SORL1: variants seen among roughly 807,000 people sequenced by gnomAD.
SORL1 encodes the protein sortilin related receptor 1.
In SORL1, 127 loss-of-function variants were observed where a neutral mutation model predicts 273.7. The ratio of observed to expected loss-of-function variants is 0.46; its 90% CI spans 0.40 to 0.54. The LOEUF (loss-of-function observed/expected upper bound fraction) is 0.54, where lower values mean the gene tolerates loss of function less well. Among genes scored for constraint, SORL1 ranks in the 20% least tolerant of loss-of-function variants. The pLI, the probability that SORL1 is intolerant of heterozygous loss-of-function variation, is 0.00. For synonymous variants in SORL1, 1,031 were observed against 1,067.4 expected (o/e 0.97, Z 0.66); for missense variants, 2,494 against 2,846.1 (o/e 0.88, Z 2.81).
Position 121,588,100 on chromosome 11 carries a change from A to T in SORL1, c.3895A>T (p.Ile1299Phe). 1 of 1,613,838 alleles carries T rather than the reference A, an allele frequency of 6.2e-7. No individual in the cohort carries two copies. Among genetic ancestry groups the T allele is most frequent in the Non-Finnish European group, 8.5e-7 (1 of 1,179,842 alleles). The change falls in exon 28 of 48, where the codon ATC becomes TTC. Residue 1299 changes from isoleucine (I) to phenylalanine (F), a missense_variant. Physicochemically the swap from Ile to Phe is conservative, Grantham distance 21 (BLOSUM62 0). This residue lies in a region of SORL1 where 1,609 missense variants were observed against 1,816.4 expected (regional missense o/e 0.89). Transcript: ENST00000260197. ...GTTCCACTCCATGGTCTGTGACGGA[A>T]TCATCCAGTGCCGCGACGGGTCCGA... ...CLFHSMVCDG[I>F]IQCRDGSDED... is the part of the protein sequence containing the mutation.
At chr11:121,607,324 A>C in intron 37 of SORL1, 34 bp downstream of exon 37, 3 of 1,282,646 alleles carry the variant, frequency 2.3e-6, no homozygotes, top group Non-Finnish European at 3.4e-6. Flanking sequence ...CCATCCATGC[A>C]GTCTTAGAAC....
intron 26 of SORL1, among the ~76,000 whole-genome samples, chr11:121,584,592 A>AT (rs1863065171): frequency 6.6e-6 from 1 of 150,686 alleles, no homozygotes; most frequent in Non-Finnish European, 1.5e-5. Flanking sequence ...ATTAGAAGTG[A>AT]TTTTCTTTTT....
chr11:121,475,252 G>GC (rs1217692619), intron 2 of SORL1, among the ~76,000 whole-genome samples: 3 of 152,104 alleles, frequency 2.0e-5, no homozygotes, highest in African/African-American at 7.2e-5. Context: ...GAGTCATAGA[G>GC]CAAGAGCCTG....
chr11:121,547,130 T>C (rs1469169755), intron 14 of SORL1: 1 of 152,052 alleles, frequency 6.6e-6, no homozygotes, highest in African/African-American at 2.4e-5. Context: ...TCTTACACAC[T>C]TTTGCATTAT....
intron 38 of SORL1, 178 bp downstream of exon 38, chr11:121,608,354 G>A: frequency 1.7e-6 from 1 of 586,580 alleles, no homozygotes; most frequent in Non-Finnish European, 3.0e-6. Flanking sequence ...GAGTCTTTTT[G>A]GGGTGACTGA....
intron 2 of SORL1, among the ~76,000 whole-genome samples, chr11:121,471,038 T>G (rs1861159915): frequency 6.6e-6 from 1 of 152,236 alleles, no homozygotes; most frequent in Non-Finnish European, 1.5e-5. Context: ...CCATTTTTCT[T>G]GAAGTCTGTG....
chr11:121,622,249 A>G lies in SORL1; in HGVS notation c.6152A>G (p.Lys2051Arg), dbSNP rs746415281. The G allele has an allele frequency of 6.2e-7, 1 of 1,607,796 alleles. No homozygotes were observed. Among genetic ancestry groups the G allele is most frequent in the South Asian group, 1.1e-5 (1 of 90,868 alleles). The stretch of plus-strand genomic sequence containing the variant: ...TGGAAAAGCCTGGCTTTAAAGGAAA[A>G]GCATTTTAATGAAAGCAGGGTAAGT... ...LFWKSLALKE[K>R]HFNESRGYEI... The change falls in exon 45 of 48, where the codon AAG (lysine) becomes AGG (arginine). Residue 2051 changes from lysine (K) to arginine (R), a missense_variant. Lys to Arg is a conservative substitution (Grantham distance 26). Transcript: ENST00000260197.
chr11:121,614,098 G>A (rs370547489), intron 40 of SORL1, among the ~76,000 whole-genome samples: 12 of 152,262 alleles, frequency 7.9e-5, no homozygotes, highest in South Asian at 4.2e-4. Flanking sequence ...TCTTGTTAGC[G>A]TAACCTCCCC....
intron 3 of SORL1, among the ~76,000 whole-genome samples, chr11:121,483,867 A>G (rs186406449): frequency 3.3e-5 from 5 of 152,318 alleles, no homozygotes; most frequent in Admixed American, 3.3e-4. Context: ...GTTGGATCAT[A>G]GAAGCCAAGT....
At chr11:121,572,214 G>A (rs562017687) in intron 23 of SORL1, among the ~76,000 whole-genome samples, 39 of 152,318 alleles carry the variant, frequency 2.6e-4, no homozygotes, top group African/African-American at 8.9e-4. Context: ...GCTGAATCTT[G>A]TATTGGCTCC....
chr11:121,510,985 T>C (rs921633592), intron 6 of SORL1, among the ~76,000 whole-genome samples: 1 of 152,116 alleles, frequency 6.6e-6, no homozygotes, highest in African/African-American at 2.4e-5. Flanking sequence ...CCAAAACCTA[T>C]GGTTTATTAA....
intron 23 of SORL1, among the ~76,000 whole-genome samples, chr11:121,571,469 T>TA (rs1484112898): frequency 3.9e-5 from 6 of 152,204 alleles, no homozygotes; most frequent in African/African-American, 1.4e-4. Context: ...GAAGGATAAG[T>TA]AGTGGGCAGA....
At chr11:121,516,024 T>C (rs1861944265) in intron 8 of SORL1, among the ~76,000 whole-genome samples, 1 of 152,228 alleles carries the variant, frequency 6.6e-6, no homozygotes, top group Middle Eastern at 3.2e-3. Context: ...TCAATTTTTT[T>C]CCGTTAAAAT....
At chr11:121,587,970 C>T (rs1396193182) in intron 27 of SORL1, 50 bp from the exon 28 acceptor site, 1 of 1,605,458 alleles carries the variant, frequency 6.2e-7, no homozygotes, top group African/African-American at 1.3e-5. Context: ...CTAGAGGGCC[C>T]AGCCAGCCGC....
chr11:121,596,335 G>T lies in SORL1; in HGVS notation c.4519+563G>T, dbSNP rs1301995810. Among the ~76,000 whole-genome samples the T allele has an allele frequency of 6.6e-6, 1 of 152,240 alleles. No homozygotes were observed. Among genetic ancestry groups the T allele is most frequent in the Non-Finnish European group, 1.5e-5 (1 of 68,036 alleles). On this transcript the variant is annotated intron_variant, in intron 32 of 47. Coordinates refer to ENST00000260197, the MANE Select transcript of SORL1 (RefSeq NM_003105.6). This position sits in a 1 kb window ranked among gnomAD's most constrained non-coding sequence, Gnocchi z 4.3. ...TTCTCTACGGGTTTGGAGTTGGTGG[G>T]TCCTGGTGTTTGGTCCTCTGATGAA...
intron 1 of SORL1, among the ~76,000 whole-genome samples, chr11:121,460,266 A>G (rs1860975796): frequency 6.6e-6 from 1 of 152,178 alleles, no homozygotes; most frequent in African/African-American, 2.4e-5. Context: ...GGTGAATCTT[A>G]CATGAAATAA....
intron 6 of SORL1, among the ~76,000 whole-genome samples, chr11:121,500,898 CA>C (rs1565316575): frequency 6.6e-6 from 1 of 152,090 alleles, no homozygotes; most frequent in African/African-American, 2.4e-5. Context: ...ACTAAGCAAC[CA>C]CGAATTTCAC....
At chr11:121,472,004 G>T (rs1424831349) in intron 2 of SORL1, among the ~76,000 whole-genome samples, 1 of 152,180 alleles carries the variant, frequency 6.6e-6, no homozygotes, top group African/African-American at 2.4e-5. Context: ...TGGTGGCCGG[G>T]TGTGGTGGCC....
chr11:121,556,313 T>A lies in SORL1; in HGVS notation c.2571+995T>A, dbSNP rs112290742. Among the ~76,000 whole-genome samples the A allele has an allele frequency of 6.8e-3, 1,029 of 152,292 alleles. 9 individuals carry two copies. The highest frequency in any genetic ancestry group is 0.023 in the African/African-American group (971 of 41,556). On this transcript the variant is annotated intron_variant, in intron 18 of 47. Coordinates refer to ENST00000260197, the MANE Select transcript of SORL1 (RefSeq NM_003105.6). Reference sequence around the variant, plus strand: ...ACATGCTGCAAAGACTCTGAAGCAGTGCAGTGTGATTGCGCTTTTGGAGAG... The same window carrying A: ...ACATGCTGCAAAGACTCTGAAGCAGAGCAGTGTGATTGCGCTTTTGGAGAG...
Sources: allele counts gnomAD v4.1 joint callset (sites outside exome capture counted in the v4.1 genomes callset), GRCh38; gene constraint gnomAD v4.1.1; regional missense constraint gnomAD v4.1.1; non-coding constraint Gnocchi (gnomAD v3.1); transcripts MANE v1.5; gene names NCBI Gene and HGNC (gene_info 2026-07-23, HGNC 2026-07-21).